Variants in SEMA6D observed in about 807,000 individuals in gnomAD.
SEMA6D encodes the protein semaphorin-6D.
A neutral mutation model predicts 106.6 loss-of-function variants in SEMA6D; 35 were observed. The ratio of observed to expected loss-of-function variants is 0.33; its 90% CI spans 0.25 to 0.44. SEMA6D has a LOEUF of 0.44. SEMA6D is among the 20% of genes least tolerant of loss of function. SEMA6D has a pLI of 1.00. For missense variants in SEMA6D, 1,185 were observed against 1,345.9 expected, an observed-to-expected ratio of 0.88 and a Z score of 1.87; for synonymous variants, 499 against 487.7, an observed-to-expected ratio of 1.02 and a Z score of -0.31.
chr15:47,693,075 G>A (rs1382700437), intron 4 of SEMA6D, among the ~76,000 whole-genome samples: 5 of 152,080 alleles, frequency 3.3e-5, no homozygotes, highest in African/African-American at 9.7e-5. Context: ...ACTTCAGAGT[G>A]TGACCTTATT....
chr15:47,436,454 A>G (rs2041705929), intron 2 of SEMA6D, among the ~76,000 whole-genome samples: 2 of 151,550 alleles, frequency 1.3e-5, no homozygotes, highest in Admixed American at 1.3e-4. Context: ...GGTTGTTACC[A>G]TGTCATTGTT....
intron 1 of SEMA6D, among the ~76,000 whole-genome samples, chr15:47,318,409 C>A (rs1325277342): frequency 9.4e-6 from 1 of 106,884 alleles, no homozygotes; most frequent in African/African-American, 3.4e-5. Flanking sequence ...CAGTGCTATC[C>A]CTCCCCCCTC....
intron 1 of SEMA6D, among the ~76,000 whole-genome samples, chr15:47,245,828 A>G (rs1047364230): frequency 3.3e-5 from 5 of 152,192 alleles, no homozygotes; most frequent in Admixed American, 6.5e-5. Context: ...TTGCAAACAC[A>G]GAGAGTAAAT....
chr15:47,658,880 C>A (rs1361413297), intron 4 of SEMA6D, among the ~76,000 whole-genome samples: 2 of 151,824 alleles, frequency 1.3e-5, no homozygotes, highest in Non-Finnish European at 2.9e-5. Context: ...ACACACACAA[C>A]AGTTTAGAAA....
chr15:47,276,887 A>G (rs1200946476), intron 1 of SEMA6D, among the ~76,000 whole-genome samples: 1 of 152,214 alleles, frequency 6.6e-6, no homozygotes, highest in Non-Finnish European at 1.5e-5. Context: ...ATTCACCATT[A>G]TAAATGGCAT....
intron 3 of SEMA6D, among the ~76,000 whole-genome samples, chr15:47,563,872 C>T (rs752560523): frequency 6.6e-6 from 1 of 152,150 alleles, no homozygotes; most frequent in Admixed American, 6.5e-5. Flanking sequence ...AACTCTTCGG[C>T]CAATGTCCTG....
chr15:47,426,532 T>C (rs2041345680), intron 2 of SEMA6D, among the ~76,000 whole-genome samples: 1 of 152,076 alleles, frequency 6.6e-6, no homozygotes. Flanking sequence ...GATAGGGCCT[T>C]AGAACCATTG....
intron 4 of SEMA6D, among the ~76,000 whole-genome samples, chr15:47,607,816 A>G (rs1187225427): frequency 1.3e-5 from 2 of 152,232 alleles, no homozygotes; most frequent in African/African-American, 4.8e-5. Context: ...TTCTTTAAAG[A>G]GAGAGAAGCT....
chr15:47,338,267 C>G (rs1387078544), intron 1 of SEMA6D, among the ~76,000 whole-genome samples: 5 of 152,144 alleles, frequency 3.3e-5, no homozygotes, highest in Admixed American at 2.6e-4. Flanking sequence ...AATATTAACA[C>G]CTTGAAAGAG....
In SEMA6D at chr15:47,546,263, G is replaced by A. The variant is rs1435743; in HGVS notation, c.-86-54602G>A. On this transcript the variant is annotated intron_variant, in intron 3 of 19. Coordinates refer to the SEMA6D transcript ENST00000558014. ...CACCAAAACCAAATGAGAAAAACAC[G>A]TATATCAGACATACCCCATTTTATC... is the stretch of plus-strand genomic sequence containing the variant. Among the ~76,000 whole-genome samples the A allele has an allele frequency of 8.9e-3, 1,351 of 152,176 alleles. 17 individuals are homozygous for A. Among genetic ancestry groups the A allele is most frequent in the African/African-American group, 0.031 (1,287 of 41,520 alleles).
At chr15:47,333,172 G>A (rs1311182849) in intron 1 of SEMA6D, among the ~76,000 whole-genome samples, 1 of 152,058 alleles carries the variant, frequency 6.6e-6, no homozygotes, top group Non-Finnish European at 1.5e-5. Context: ...TAAATTTCAC[G>A]ATTTAAAATG....
chr15:47,732,154 A>G (rs1362600935), intron 1 of SEMA6D, among the ~76,000 whole-genome samples: 1 of 152,228 alleles, frequency 6.6e-6, no homozygotes, highest in African/African-American at 2.4e-5. Context: ...CATTGTTAGT[A>G]TGCTTTGGAC....
chr15:47,326,570 G>T (rs2037137152), intron 1 of SEMA6D, among the ~76,000 whole-genome samples: 1 of 151,932 alleles, frequency 6.6e-6, no homozygotes, highest in South Asian at 2.1e-4. Flanking sequence ...TTGTTAGTAA[G>T]TGCTGAGTTG....
intron 3 of SEMA6D, among the ~76,000 whole-genome samples, chr15:47,593,530 TA>T (rs759598415): frequency 1.3e-4 from 19 of 150,904 alleles, no homozygotes; most frequent in Non-Finnish European, 1.9e-4. Flanking sequence ...TGAAAAGACT[TA>T]AATAATCAGA....
At chr15:47,372,255 G>A (rs925248937) in intron 1 of SEMA6D, among the ~76,000 whole-genome samples, 11 of 152,062 alleles carry the variant, frequency 7.2e-5, no homozygotes, top group African/African-American at 2.7e-4. Context: ...TTCAGACCTG[G>A]AACCCCAGGT....
intron 1 of SEMA6D, among the ~76,000 whole-genome samples, chr15:47,329,860 A>G (rs1363215782): frequency 6.6e-6 from 1 of 152,220 alleles, no homozygotes; most frequent in African/African-American, 2.4e-5. Context: ...CTGTTGCCTC[A>G]TTAACATAGT....
At chr15:47,741,335 A>C (rs968199844) in intron 1 of SEMA6D, among the ~76,000 whole-genome samples, 1 of 152,242 alleles carries the variant, frequency 6.6e-6, no homozygotes, top group African/African-American at 2.4e-5. Context: ...CTTTGTTAGC[A>C]TGCAACCCTG....
At chr15:47,766,885 A>T (rs545034417) in intron 16 of SEMA6D, 152 bp from the exon 17 acceptor site, 1 of 596,394 alleles carries the variant, frequency 1.7e-6, no homozygotes, top group East Asian at 3.0e-5. Context: ...ACAATTTTGT[A>T]GGAAATCTAG....
At chr15:47,412,837 ACT>A (rs1182732814) in intron 2 of SEMA6D, among the ~76,000 whole-genome samples, 1 of 152,156 alleles carries the variant, frequency 6.6e-6, no homozygotes, top group African/African-American at 2.4e-5. Context: ...AGGGAAAATG[ACT>A]CTGTTTTCAA....
Sources: allele counts gnomAD v4.1 joint callset (sites outside exome capture counted in the v4.1 genomes callset), GRCh38; gene constraint gnomAD v4.1.1; transcripts MANE v1.5; gene names NCBI Gene and HGNC (gene_info 2026-07-23, HGNC 2026-07-21).